The following SDCCAG8 variants were observed in gnomAD, a reference collection of about 807,000 sequenced individuals.
SDCCAG8 encodes SHH signaling and ciliogenesis regulator SDCCAG8.
Under a neutral mutation model 101.8 loss-of-function variants are expected in SDCCAG8, and 74 were observed. The observed-to-expected ratio is 0.73, with a 90% CI of 0.60 to 0.88. The LOEUF (loss-of-function observed/expected upper bound fraction) is 0.88. SDCCAG8 is among the 40% of genes least tolerant of loss of function. The pLI, the probability that SDCCAG8 is intolerant of heterozygous loss-of-function variation, is 0.00. For synonymous variants in SDCCAG8, 281 were observed against 292.9 expected (o/e 0.96, Z 0.41); for missense variants, 787 against 822.6 (o/e 0.96, Z 0.53).
At chr1:243,324,475 T>TTG (rs1347527732) in intron 9 of SDCCAG8, among the ~76,000 whole-genome samples, 1 of 147,970 alleles carries the variant, frequency 6.8e-6, no homozygotes, top group Non-Finnish European at 1.5e-5. Flanking sequence ...TTTTTTTTTT[T>TTG]TTTTTCAGAG....
chr1:243,348,268 T>C (rs1256397697), intron 12 of SDCCAG8, among the ~76,000 whole-genome samples: 3 of 149,108 alleles, frequency 2.0e-5, no homozygotes, highest in South Asian at 2.1e-4. Flanking sequence ...GCCAGGATGG[T>C]CTCGATCTCC....
intron 16 of SDCCAG8, among the ~76,000 whole-genome samples, chr1:243,467,545 C>T (rs1001152912): frequency 4.6e-5 from 7 of 152,200 alleles, no homozygotes; most frequent in African/African-American, 1.4e-4. Context: ...ACCGCAAATC[C>T]ACATTTGAGA....
chr1:243,281,817 A>G (rs2069080331), intron 4 of SDCCAG8, among the ~76,000 whole-genome samples: 1 of 149,536 alleles, frequency 6.7e-6, no homozygotes, highest in Non-Finnish European at 1.5e-5. Context: ...GCTAATTTTT[A>G]TGTTTTTTTA....
intron 4 of SDCCAG8, among the ~76,000 whole-genome samples, chr1:243,282,274 C>T (rs1256534561): frequency 6.6e-6 from 1 of 151,802 alleles, no homozygotes; most frequent in Non-Finnish European, 1.5e-5. Context: ...TTATAACTAA[C>T]TTAAGTTTAC....
At chr1:243,284,576 C>CT (rs2069404176) in intron 4 of SDCCAG8, among the ~76,000 whole-genome samples, 1 of 152,148 alleles carries the variant, frequency 6.6e-6, no homozygotes, top group Non-Finnish European at 1.5e-5. Context: ...GACGAGATAG[C>CT]TAGAGGAAGC....
At chr1:243,273,623 A>G (rs1308509356) in intron 3 of SDCCAG8, among the ~76,000 whole-genome samples, 1 of 152,168 alleles carries the variant, frequency 6.6e-6, no homozygotes, top group Non-Finnish European at 1.5e-5. Flanking sequence ...ACATTTTGCT[A>G]ATGTATCTTT....
intron 15 of SDCCAG8, among the ~76,000 whole-genome samples, chr1:243,422,926 G>A (rs950842141): frequency 2.0e-5 from 3 of 152,090 alleles, no homozygotes; most frequent in Non-Finnish European, 4.4e-5. Flanking sequence ...ATGGATTAGA[G>A]TCAATTATCC....
intron 12 of SDCCAG8, among the ~76,000 whole-genome samples, chr1:243,377,136 T>C (rs1178490350): frequency 6.6e-6 from 1 of 152,142 alleles, no homozygotes; most frequent in Non-Finnish European, 1.5e-5. Context: ...AGATGAATTA[T>C]TAACTACTGA....
At chr1:243,434,870 T>G (rs1156853723) in intron 16 of SDCCAG8, among the ~76,000 whole-genome samples, 1 of 152,174 alleles carries the variant, frequency 6.6e-6, no homozygotes. Flanking sequence ...GCATTTACCT[T>G]AGCTGGGACA....
At chr1:243,423,518 A>G (rs562242979) in intron 15 of SDCCAG8, among the ~76,000 whole-genome samples, 53 of 152,268 alleles carry the variant, frequency 3.5e-4, no homozygotes, top group African/African-American at 1.2e-3. Flanking sequence ...TATAAGAATT[A>G]TTAGGCTTTT....
chr1:243,300,681 T>C (rs1174568743), intron 6 of SDCCAG8, among the ~76,000 whole-genome samples: 1 of 152,226 alleles, frequency 6.6e-6, no homozygotes, highest in African/African-American at 2.4e-5. Flanking sequence ...CCTCTGTGCC[T>C]TCTGCTCTAC....
chr1:243,357,343 C>G (rs2076442773), intron 12 of SDCCAG8, among the ~76,000 whole-genome samples: 1 of 152,000 alleles, frequency 6.6e-6, no homozygotes, highest in Non-Finnish European at 1.5e-5. Flanking sequence ...CGTGCCACTG[C>G]ACTCCAGCCT....
intron 17 of SDCCAG8, 136 bp from the exon 18 acceptor site, chr1:243,499,620 T>G (rs776932982): frequency 7.4e-5 from 55 of 740,002 alleles, no homozygotes; most frequent in Non-Finnish European, 1.2e-4. Context: ...TTCATATAAT[T>G]TCCACATTTT....
intron 12 of SDCCAG8, among the ~76,000 whole-genome samples, chr1:243,369,115 G>C (rs968436563): frequency 6.6e-6 from 1 of 152,006 alleles, no homozygotes; most frequent in African/African-American, 2.4e-5. Context: ...GATTTTATGT[G>C]CATTTAGAGC....
chr1:243,450,283 T>A (rs2083254795), intron 16 of SDCCAG8, among the ~76,000 whole-genome samples: 1 of 152,234 alleles, frequency 6.6e-6, no homozygotes, highest in Non-Finnish European at 1.5e-5. Flanking sequence ...AGTTGTTAGG[T>A]AATGGTTAGG....
At chr1:243,481,372 C>T (rs1291153463) in intron 16 of SDCCAG8, among the ~76,000 whole-genome samples, 2 of 152,050 alleles carry the variant, frequency 1.3e-5, no homozygotes, top group African/African-American at 4.8e-5. Context: ...ACCTTGTGTG[C>T]GCTTGGGCAA....
intron 17 of SDCCAG8, among the ~76,000 whole-genome samples, chr1:243,495,757 C>T (rs1258484812): frequency 6.6e-6 from 1 of 152,196 alleles, no homozygotes; most frequent in African/African-American, 2.4e-5. Flanking sequence ...ATGCTGAGGG[C>T]ACCTCTCTCC....
chr1:243,455,670 T>A (rs943288618), intron 16 of SDCCAG8, among the ~76,000 whole-genome samples: 15 of 152,238 alleles, frequency 9.9e-5, no homozygotes, highest in African/African-American at 3.4e-4. Context: ...AAATCCAGCT[T>A]GATAGAAAGC....
chr1:243,272,082 A>G (rs1353016885), intron 3 of SDCCAG8, among the ~76,000 whole-genome samples: 1 of 152,218 alleles, frequency 6.6e-6, no homozygotes, highest in Non-Finnish European at 1.5e-5. Flanking sequence ...AGTTCTATCT[A>G]GGGTCTATCA....
Sources: allele counts gnomAD v4.1 joint callset (sites outside exome capture counted in the v4.1 genomes callset), GRCh38; gene constraint gnomAD v4.1.1; transcripts MANE v1.5; gene names NCBI Gene and HGNC (gene_info 2026-07-23, HGNC 2026-07-21).